FRMD4B: variants seen among roughly 807,000 people sequenced by gnomAD.
The protein encoded by FRMD4B is FERM domain containing 4B, also known as FERM domain-containing protein 4B.
A neutral mutation model predicts 141.5 loss-of-function variants in FRMD4B; 74 were observed. The observed-to-expected ratio is 0.52, with a 90% CI of 0.43 to 0.63. The LOEUF (loss-of-function observed/expected upper bound fraction) is 0.63, where lower values mean the gene tolerates loss of function less well. Ranked by LOEUF, FRMD4B falls within the 30% of genes least tolerant of loss-of-function variation. FRMD4B has a pLI of 0.00. For synonymous variants in FRMD4B, 506 were observed against 467.9 expected, an observed-to-expected ratio of 1.08 and a Z score of -1.05; for missense variants, 1,366 against 1,253.4, an observed-to-expected ratio of 1.09 and a Z score of -1.36.
rs909966946 is a variant in FRMD4B at position 69,490,757 on chromosome 3, G to A, written c.-129+51449C>T. On this transcript the variant is annotated intron_variant, in intron 1 of 5. Transcript: ENST00000459638. The stretch of plus-strand genomic sequence containing the variant: ...ACTAGATCATATGTTCCCTGAGGAC[G>A]GGAGCTCTGTCACAGCTGTCCCCAC... Among the ~76,000 whole-genome samples, 9 of 152,192 alleles carry A rather than the reference G, an allele frequency of 5.9e-5. No homozygotes were observed. In the South Asian group the frequency reaches 1.2e-3, roughly 21 times the overall value.
At chr3:69,450,640 G>C (rs1010600359) in intron 1 of FRMD4B, among the ~76,000 whole-genome samples, 1 of 152,166 alleles carries the variant, frequency 6.6e-6, no homozygotes, top group Non-Finnish European at 1.5e-5. Context: ...TATAATCCCA[G>C]TTACTCGGGA....
intron 7 of FRMD4B, among the ~76,000 whole-genome samples, chr3:69,245,945 C>T (rs1272844853): frequency 7.0e-6 from 1 of 143,614 alleles, no homozygotes; most frequent in Non-Finnish European, 1.5e-5. Flanking sequence ...TCAAGAGATT[C>T]TCCTTCCTCA....
At chr3:69,482,706 G>A (rs1343028615) in intron 1 of FRMD4B, among the ~76,000 whole-genome samples, 1 of 152,196 alleles carries the variant, frequency 6.6e-6, no homozygotes, top group African/African-American at 2.4e-5. Context: ...AGAGGGGGCA[G>A]GAAGTACATC....
chr3:69,172,412 G>C (rs1041306438), intron 22 of FRMD4B, among the ~76,000 whole-genome samples: 1 of 152,066 alleles, frequency 6.6e-6, no homozygotes, highest in African/African-American at 2.4e-5. Flanking sequence ...CAGTGTCTCG[G>C]AGTCTCTTTG....
chr3:69,457,391 C>T (rs1705637122), intron 1 of FRMD4B, among the ~76,000 whole-genome samples: 1 of 152,090 alleles, frequency 6.6e-6, no homozygotes, highest in Non-Finnish European at 1.5e-5. Context: ...ACATGCTTTA[C>T]TTTTGTAATA....
intron 5 of FRMD4B, among the ~76,000 whole-genome samples, chr3:69,265,118 A>G (rs2093552292): frequency 6.7e-6 from 1 of 150,108 alleles, no homozygotes; most frequent in Admixed American, 6.7e-5. Context: ...AGCCGGGGGC[A>G]GTGGTGGGCG....
At chr3:69,397,753 G>GT (rs111474034) in intron 2 of FRMD4B, among the ~76,000 whole-genome samples, 4,628 of 151,824 alleles carry the variant, frequency 0.03, 202 homozygotes, top group East Asian at 0.091. Context: ...TTAGTACAGG[G>GT]TTTTTTTTGG....
intron 1 of FRMD4B, among the ~76,000 whole-genome samples, chr3:69,381,512 T>C (rs1420607652): frequency 2.6e-5 from 4 of 152,134 alleles, no homozygotes; most frequent in Admixed American, 2.6e-4. Context: ...GCAAGAAAAA[T>C]GACACCTTTT....
At chr3:69,335,271 G>C (rs1477574980) in intron 1 of FRMD4B, among the ~76,000 whole-genome samples, 1 of 152,054 alleles carries the variant, frequency 6.6e-6, no homozygotes. Flanking sequence ...GCAGATCTGA[G>C]AAAAGCATAT....
At chr3:69,497,235 G>C (rs1007926332) in intron 1 of FRMD4B, among the ~76,000 whole-genome samples, 2 of 152,178 alleles carry the variant, frequency 1.3e-5, no homozygotes, top group African/African-American at 4.8e-5. Flanking sequence ...TGAGTACCAT[G>C]AACAAGATAT....
chr3:69,250,075 T>C lies in FRMD4B; in HGVS notation c.526A>G (p.Thr176Ala). The C allele has an allele frequency of 6.2e-7, 1 of 1,611,150 alleles. No individual in the cohort carries two copies. Among genetic ancestry groups the C allele is most frequent in the Non-Finnish European group, 8.5e-7 (1 of 1,177,330 alleles). ...HKGQIEVESE[T>A]IFKLAAFILQ... is the part of the protein sequence containing the mutation. The stretch of plus-strand genomic sequence containing the variant: ...ATAAACGCTGCTAACTTGAAGATGG[T>C]TTCGCTCTCTACTTCGATTTGCCCC... The change falls in exon 6 of 23, where the codon ACC becomes GCC. Residue 176 changes from threonine (T) to alanine (A), a missense_variant. Physicochemically the swap from Thr to Ala is moderately conservative, Grantham distance 58 (BLOSUM62 0). Transcript: ENST00000398540.
At chr3:69,202,441 G>A (rs1680273389) in intron 11 of FRMD4B, among the ~76,000 whole-genome samples, 1 of 144,946 alleles carries the variant, frequency 6.9e-6, no homozygotes, top group Non-Finnish European at 1.5e-5. Flanking sequence ...ACAGAAAAAT[G>A]TATTTTGCCC....
intron 22 of FRMD4B, among the ~76,000 whole-genome samples, chr3:69,173,515 CTT>C (rs1464593398): frequency 1.3e-5 from 2 of 152,100 alleles, no homozygotes; most frequent in Non-Finnish European, 2.9e-5. Flanking sequence ...TAATTTCTCT[CTT>C]ATTTTAAAAA....
intron 2 of FRMD4B, among the ~76,000 whole-genome samples, chr3:69,410,714 AATAAATAAATAAAT>A (rs1704739472): frequency 5.8e-5 from 4 of 68,678 alleles, no homozygotes; most frequent in African/African-American, 2.3e-4. Flanking sequence ...TATATAAATA[AATAAATAAATAAAT>A]ATATATATAT....
intron 1 of FRMD4B, among the ~76,000 whole-genome samples, chr3:69,447,867 A>G (rs1705433821): frequency 2.0e-5 from 3 of 152,162 alleles, no homozygotes; most frequent in Admixed American, 1.3e-4. Context: ...GTTATAGCAC[A>G]TATTAGTAGT....
chr3:69,364,877 AAAAT>A (rs1207230269), intron 1 of FRMD4B, among the ~76,000 whole-genome samples: 4 of 121,804 alleles, frequency 3.3e-5, no homozygotes, highest in Non-Finnish European at 6.8e-5. Context: ...TTTTTTTAAA[AAAAT>A]AAATAAAGGC....
chr3:69,284,426 T>C (rs1289759069), intron 5 of FRMD4B, among the ~76,000 whole-genome samples: 1 of 152,028 alleles, frequency 6.6e-6, no homozygotes, highest in Non-Finnish European at 1.5e-5. Context: ...AAAAAACTCA[T>C]AATTCATGGG....
At chr3:69,506,370 G>A (rs1191744997) in intron 1 of FRMD4B, among the ~76,000 whole-genome samples, 1 of 151,784 alleles carries the variant, frequency 6.6e-6, no homozygotes, top group Non-Finnish European at 1.5e-5. Flanking sequence ...AGTAGGTGCT[G>A]TTATGCCCAT....
At chr3:69,262,038 C>T (rs1207966201) in intron 5 of FRMD4B, among the ~76,000 whole-genome samples, 1 of 152,088 alleles carries the variant, frequency 6.6e-6, no homozygotes, top group African/African-American at 2.4e-5. Flanking sequence ...GCAATACTGG[C>T]TCACTGCAAC....
Sources: allele counts gnomAD v4.1 joint callset (sites outside exome capture counted in the v4.1 genomes callset), GRCh38; gene constraint gnomAD v4.1.1; transcripts MANE v1.5; gene names NCBI Gene and HGNC (gene_info 2026-07-23, HGNC 2026-07-21).